The following UBE2L3 variants were observed in gnomAD, a reference collection of about 807,000 sequenced individuals.
The protein encoded by UBE2L3 is ubiquitin-conjugating enzyme E2 L3.
A neutral mutation model predicts 17.8 loss-of-function variants in UBE2L3; 1 was observed. The ratio of observed to expected loss-of-function variants is 0.06; its 90% CI spans 0.02 to 0.27. UBE2L3 has a LOEUF of 0.27. Among genes scored for constraint, UBE2L3 ranks in the 10% least tolerant of loss-of-function variants. UBE2L3 has a pLI of 1.00. For missense variants in UBE2L3, 40 were observed against 192.6 expected, an observed-to-expected ratio of 0.21 and a Z score of 4.69; for synonymous variants, 44 against 68.5, an observed-to-expected ratio of 0.64 and a Z score of 1.76.
At chr22:21,562,534 G>A (rs1926479634) in intron 1 of UBE2L3, among the ~76,000 whole-genome samples, 1 of 151,890 alleles carries the variant, frequency 6.6e-6, no homozygotes. Context: ...ACCACGCCCA[G>A]ATAATTTTTT....
chr22:21,569,482 C>G (rs1384889826), intron 1 of UBE2L3, among the ~76,000 whole-genome samples: 2 of 151,828 alleles, frequency 1.3e-5, no homozygotes, highest in African/African-American at 4.8e-5. Context: ...ATCCTCATCT[C>G]TCAGGTGCCC....
intron 2 of UBE2L3, among the ~76,000 whole-genome samples, chr22:21,595,277 G>T (rs1458753850): frequency 6.6e-6 from 1 of 152,232 alleles, no homozygotes; most frequent in Non-Finnish European, 1.5e-5. Flanking sequence ...TTTGTATGAG[G>T]AATGTTTCAA....
chr22:21,559,347 C>A (rs1171467894), intron 1 of UBE2L3, among the ~76,000 whole-genome samples: 1 of 146,590 alleles, frequency 6.8e-6, no homozygotes, highest in Non-Finnish European at 1.5e-5. Flanking sequence ...GACTCTGTCT[C>A]AAAATAAATA....
chr22:21,599,321 G>A (rs758729731), intron 2 of UBE2L3, among the ~76,000 whole-genome samples: 2 of 151,946 alleles, frequency 1.3e-5, no homozygotes, highest in Non-Finnish European at 2.9e-5. Context: ...CCCTACTTCC[G>A]TCTCCTGTAG....
intron 2 of UBE2L3, among the ~76,000 whole-genome samples, chr22:21,597,389 C>A (rs1928588132): frequency 6.6e-6 from 1 of 152,098 alleles, no homozygotes; most frequent in South Asian, 2.1e-4. Flanking sequence ...TCTCTGCAGC[C>A]CCAGACTCCT....
In UBE2L3 at chr22:21,623,003, A is replaced by G. The variant is rs1930120853; in HGVS notation, c.*1334A>G. 6.6e-6 allele frequency: 1 copy of G among 152,350 alleles called. No homozygotes were observed. Among genetic ancestry groups the G allele is most frequent in the African/African-American group, 2.4e-5 (1 of 41,452 alleles). The allele number at this position is 152,350 out of a possible 1,614,324, so 9.4% of individuals were successfully genotyped here. ...AGGCAAATGGGATTGTCCCCGCACT[A>G]GTAGAGAATCCATGTCGCTCTGACA... On this transcript the variant is annotated 3_prime_UTR_variant, in exon 4 of 4. Coordinates refer to ENST00000342192, the MANE Select transcript of UBE2L3 (RefSeq NM_003347.4).
chr22:21,568,855 A>C (rs140492), intron 1 of UBE2L3, among the ~76,000 whole-genome samples: 47,044 of 152,030 alleles, frequency 0.31, 8,424 homozygotes, highest in East Asian at 0.51. Context: ...GTCTCTGAGC[A>C]TTCCCTCCGT....
chr22:21,597,774 G>GTTTTTTTTTTTTTTTT, intron 2 of UBE2L3, among the ~76,000 whole-genome samples: 2 of 73,476 alleles, frequency 2.7e-5, no homozygotes, highest in East Asian at 1.3e-3. Flanking sequence ...TTTATATGTA[G>GTTTTTTTTTTTTTTTT]ATTTTTTTTT....
chr22:21,567,501 ATG>A (rs1016013880), upstream of UBE2L3: 76 of 758,196 alleles, frequency 1.0e-4, no homozygotes, highest in Non-Finnish European at 1.4e-4. Flanking sequence ...TGCTCCTACT[ATG>A]TGCCAGGCAC....
At chr22:21,594,974 G>A (rs998929114) in intron 2 of UBE2L3, among the ~76,000 whole-genome samples, 1 of 152,212 alleles carries the variant, frequency 6.6e-6, no homozygotes, top group East Asian at 1.9e-4. Flanking sequence ...CTGAGAGCCT[G>A]CTAGCCAGCT....
In UBE2L3 at chr22:21,614,000, C is replaced by T. The variant is rs187191613; in HGVS notation, c.310+2957C>T. Reference sequence around the variant, plus strand: ...TAATGAGAGGGAAAATAGACTTCAGCTCTTGATGGGAGGAGTATGCAGGAT... The same window carrying T: ...TAATGAGAGGGAAAATAGACTTCAGTTCTTGATGGGAGGAGTATGCAGGAT... On this transcript the variant is annotated intron_variant, in intron 3 of 3. Coordinates refer to ENST00000342192, the MANE Select transcript of UBE2L3 (RefSeq NM_003347.4). Among the ~76,000 whole-genome samples, 52 of 152,262 alleles carry T rather than the reference C, an allele frequency of 3.4e-4. 1 individual carries two copies. Among genetic ancestry groups the T allele is most frequent in the Admixed American group, 2.4e-3 (37 of 15,280 alleles).
intron 1 of UBE2L3, among the ~76,000 whole-genome samples, chr22:21,551,663 CAGGGCCAGAT>C: frequency 4.5e-5 from 1 of 22,240 alleles, no homozygotes; most frequent in African/African-American, 2.5e-4. Flanking sequence ...CATAGGGACC[CAGGGCCAGAT>C]AGGCATGGGG....
At chr22:21,606,303 C>CGTGTGTGTGGTATGTGT (rs1370204630) in intron 2 of UBE2L3, among the ~76,000 whole-genome samples, 19 of 132,900 alleles carry the variant, frequency 1.4e-4, no homozygotes, top group Non-Finnish European at 1.7e-5. Flanking sequence ...TGCGCGCGCG[C>CGTGTGTGTGGTATGTGT]GTGTGTGTGG....
chr22:21,558,818 T>C (rs1302884473), intron 1 of UBE2L3, among the ~76,000 whole-genome samples: 1 of 152,160 alleles, frequency 6.6e-6, no homozygotes, highest in African/African-American at 2.4e-5. Context: ...TTTCTATGTG[T>C]TTTCTGTCTG....
intron 2 of UBE2L3, among the ~76,000 whole-genome samples, chr22:21,600,791 C>T (rs1010282855): frequency 1.3e-5 from 2 of 152,140 alleles, no homozygotes; most frequent in Non-Finnish European, 2.9e-5. Flanking sequence ...TCTTCAGAAA[C>T]CAATATTAGA....
rs780653296 is a variant in UBE2L3, at chr22:21,556,629, A to ATT, written c.201+6991_201+6992dup. ...TTTCTTTTTTCTTTTTTTTTTTTGT[A>ATT]TTTTTTTTTTTTTGTAGAGATAGGG... On this transcript the variant is annotated intron_variant, in intron 1 of 3. Transcript: ENST00000458578. 3.2e-3 allele frequency among the ~76,000 whole-genome samples: 417 copies of ATT among 130,402 alleles called. 4 individuals are homozygous for ATT. Among genetic ancestry groups the ATT allele is most frequent in the African/African-American group, 0.011 (346 of 32,854 alleles). 85.5% of individuals were successfully genotyped at this position (130,402 alleles called of 152,430 possible).
intron 2 of UBE2L3, among the ~76,000 whole-genome samples, chr22:21,606,733 C>T (rs1929196687): frequency 6.6e-6 from 1 of 152,164 alleles, no homozygotes; most frequent in African/African-American, 2.4e-5. Context: ...CCTGTAGTCC[C>T]AGCTACTTGG....
intron 1 of UBE2L3, among the ~76,000 whole-genome samples, chr22:21,560,495 G>T (rs1926395716): frequency 7.1e-6 from 1 of 141,560 alleles, no homozygotes; most frequent in Non-Finnish European, 1.5e-5. Context: ...CTATCATCCA[G>T]GCTGGAGTGC....
chr22:21,567,831 C>A, intron 1 of UBE2L3, 60 bp downstream of exon 1: 1 of 1,557,100 alleles, frequency 6.4e-7, no homozygotes, highest in East Asian at 2.4e-5. Context: ...TCCGGATCCC[C>A]GAGGCAGGCG....
Sources: allele counts gnomAD v4.1 joint callset (sites outside exome capture counted in the v4.1 genomes callset), GRCh38; gene constraint gnomAD v4.1.1; transcripts MANE v1.5; gene names NCBI Gene and HGNC (gene_info 2026-07-23, HGNC 2026-07-21).